The following ZFYVE1 variants were observed in gnomAD, a reference collection of about 807,000 sequenced individuals.
The protein encoded by ZFYVE1 is zinc finger FYVE domain-containing protein 1.
Under a neutral mutation model 74.4 loss-of-function variants are expected in ZFYVE1, and 30 were observed. That is an observed-to-expected ratio of 0.40 (90% CI 0.30 to 0.55). The LOEUF (loss-of-function observed/expected upper bound fraction) is 0.55, where lower values mean the gene tolerates loss of function less well. Among genes scored for constraint, ZFYVE1 ranks in the 20% least tolerant of loss-of-function variants. The pLI, the probability that ZFYVE1 is intolerant of heterozygous loss-of-function variation, is 0.42. For missense variants in ZFYVE1, 703 were observed against 1,011.6 expected, an observed-to-expected ratio of 0.69 and a Z score of 4.14; for synonymous variants, 335 against 385.1, an observed-to-expected ratio of 0.87 and a Z score of 1.52.
At chr14:72,991,706 A>G (rs1307784448) in intron 4 of ZFYVE1, among the ~76,000 whole-genome samples, 1 of 152,204 alleles carries the variant, frequency 6.6e-6, no homozygotes, top group East Asian at 1.9e-4. Context: ...ATTAGCCAAT[A>G]CAACTAAGTG....
Position 72,969,833 on chromosome 14 carries a change from T to C in ZFYVE1, c.*1049A>G. The C allele has an allele frequency of 1.5e-6, 1 of 674,026 alleles. No individual in the cohort carries two copies. The highest frequency in any genetic ancestry group is 1.6e-5 in the South Asian group (1 of 62,024). 41.8% of individuals were successfully genotyped at this position (674,026 alleles called of 1,614,324 possible). Reference sequence around the variant, plus strand: ...GATAAATTTTTTCTTTACGATCTGTTGAAATATTTATATAGACTTTTAAAA... The same window carrying C: ...GATAAATTTTTTCTTTACGATCTGTCGAAATATTTATATAGACTTTTAAAA... On this transcript the variant is annotated 3_prime_UTR_variant, in exon 12 of 12. Transcript: ENST00000556143.
Position 72,978,049 on chromosome 14 carries a change from A to C in ZFYVE1, c.1518-5T>G. The stretch of plus-strand genomic sequence containing the variant: ...TTAGGACATTCGATCACATACCTAC[A>C]AGGAAAGCAAATCAATACTGTTACC... On this transcript the variant is annotated splice_region_variant and splice_polypyrimidine_tract_variant and intron_variant, in intron 7 of 11. Transcript: ENST00000556143. The C allele has an allele frequency of 1.9e-6, 3 of 1,614,180 alleles. No homozygotes were observed. Among genetic ancestry groups the C allele is most frequent in the Non-Finnish European group, 2.5e-6 (3 of 1,180,006 alleles).
At chr14:73,007,016 A>C (rs79084006) in intron 2 of ZFYVE1, among the ~76,000 whole-genome samples, 1 of 151,912 alleles carries the variant, frequency 6.6e-6, no homozygotes, top group Non-Finnish European at 1.5e-5. Context: ...CCCAGCCCCA[A>C]TTTAGAATTC....
At chr14:72,981,953 C>T in intron 4 of ZFYVE1, 58 bp from the exon 5 acceptor site, 2 of 1,483,660 alleles carry the variant, frequency 1.3e-6, no homozygotes, top group South Asian at 1.1e-5. Flanking sequence ...CGCACTTTGG[C>T]CCCCCACTGC....
chr14:73,023,727 T>C (rs868618548), intron 2 of ZFYVE1, among the ~76,000 whole-genome samples: 1 of 152,074 alleles, frequency 6.6e-6, no homozygotes, highest in African/African-American at 2.4e-5. Flanking sequence ...CCGTATACAC[T>C]GACCATTTAT....
At chr14:72,988,329 C>T (rs1364402063) in intron 4 of ZFYVE1, among the ~76,000 whole-genome samples, 1 of 151,760 alleles carries the variant, frequency 6.6e-6, no homozygotes, top group African/African-American at 2.4e-5. Context: ...CACACACCAT[C>T]ACGGCTGGCT....
intron 5 of ZFYVE1, among the ~76,000 whole-genome samples, chr14:72,980,348 T>C (rs1054918003): frequency 2.0e-5 from 3 of 151,958 alleles, no homozygotes; most frequent in Non-Finnish European, 4.4e-5. Flanking sequence ...AATTTGGTAG[T>C]GAAGAGTGGA....
At chr14:73,020,771 T>C (rs1316180582) in intron 2 of ZFYVE1, among the ~76,000 whole-genome samples, 1 of 151,796 alleles carries the variant, frequency 6.6e-6, no homozygotes, top group African/African-American at 2.4e-5. Flanking sequence ...AGGTCAGGAG[T>C]TGGAGATCAT....
At position 73,024,269 on chromosome 14, in the gene ZFYVE1, A is replaced by T; in HGVS notation, c.240T>A (p.His80Gln). The T allele has an allele frequency of 6.2e-7, 1 of 1,614,112 alleles. No individual in the cohort carries two copies. The highest frequency in any genetic ancestry group is 8.5e-7 in the Non-Finnish European group (1 of 1,180,018). Residue 80 changes from histidine (H) to glutamine (Q), a missense_variant, in exon 2 of 12, where the codon CAT (histidine) becomes CAA (glutamine). Physicochemically the swap from His to Gln is conservative, Grantham distance 24 (BLOSUM62 0). This residue lies in a region of ZFYVE1 where 211 missense variants were observed against 221.7 expected (regional missense o/e 0.95). Coordinates refer to ENST00000556143, the MANE Select transcript of ZFYVE1 (RefSeq NM_021260.4). ...YCDLCKGLSG[H>Q]LPGVRQRAIV... is the part of the protein sequence containing the mutation. ...TTGCCCTCTGCCTAACACCTGGTAA[A>T]TGCCCACTGAGACCCTTGCAGAGGT...
chr14:73,024,514 C>A lies in ZFYVE1; in HGVS notation c.-6G>T, dbSNP rs370107575. On this transcript the variant is annotated 5_prime_UTR_variant, in exon 2 of 12. Transcript: ENST00000556143. ...GGGGAAGTCTGGGCACTCATACTCA[C>A]GCTGGTAAGGAAACACACCCACCAT... The A allele has an allele frequency of 7.6e-6, 12 of 1,587,062 alleles. No homozygotes were observed. The highest frequency in any genetic ancestry group is 2.7e-5 in the African/African-American group (2 of 74,192).
At chr14:72,999,316 A>T (rs1183450169) in intron 2 of ZFYVE1, among the ~76,000 whole-genome samples, 4 of 152,064 alleles carry the variant, frequency 2.6e-5, no homozygotes, top group Admixed American at 6.6e-5. Flanking sequence ...AATCCCAGCT[A>T]CTCAGGAGGC....
chr14:72,979,656 A>T (rs1594833421), intron 5 of ZFYVE1, among the ~76,000 whole-genome samples: 1 of 151,914 alleles, frequency 6.6e-6, no homozygotes, highest in East Asian at 1.9e-4. Flanking sequence ...TGTCTTTAAA[A>T]AAAAAAAAAA....
rs1389576586 is a variant in ZFYVE1, at chr14:72,969,505, G to A, written c.*1377C>T. On this transcript the variant is annotated 3_prime_UTR_variant, in exon 12 of 12. Coordinates refer to ENST00000556143, the MANE Select transcript of ZFYVE1 (RefSeq NM_021260.4). ...TGGATGGTACACAGTTCTAGAGTAGGGTCCCAGTCACTGGACCCCAGGAGG... is the reference window on the plus strand; with the variant it reads ...TGGATGGTACACAGTTCTAGAGTAGAGTCCCAGTCACTGGACCCCAGGAGG... 1.7e-6 allele frequency: 1 copy of A among 588,854 alleles called. No homozygotes were observed. Among genetic ancestry groups the A allele is most frequent in the East Asian group, 2.8e-5 (1 of 35,508 alleles). The allele number at this position is 588,854 out of a possible 1,614,324, so 36.5% of individuals were successfully genotyped here.
rs574099375 is a variant in ZFYVE1, at chr14:72,984,868, G to A, written c.1204-2973C>T. Among the ~76,000 whole-genome samples, 10 of 152,330 alleles carry A rather than the reference G, an allele frequency of 6.6e-5. No individual in the cohort carries two copies. In the South Asian group the frequency reaches 2.1e-3, roughly 32 times the overall value. On this transcript the variant is annotated intron_variant, in intron 4 of 11. Coordinates refer to ENST00000556143, the MANE Select transcript of ZFYVE1 (RefSeq NM_021260.4). Reference sequence around the variant, plus strand: ...TCTCCAGGACTAGATCATAAATACTGTGAAAGCAGCTTCCTACCTTTGCAT... The same window carrying A: ...TCTCCAGGACTAGATCATAAATACTATGAAAGCAGCTTCCTACCTTTGCAT...
chr14:73,025,639 T>C (rs1594872821), intron 1 of ZFYVE1, among the ~76,000 whole-genome samples: 1 of 139,080 alleles, frequency 7.2e-6, no homozygotes, highest in Non-Finnish European at 1.5e-5. Flanking sequence ...GAGGTTGCAG[T>C]GAGCCAAGAT....
chr14:73,025,973 A>G (rs748818750), intron 1 of ZFYVE1, among the ~76,000 whole-genome samples: 10 of 152,182 alleles, frequency 6.6e-5, no homozygotes, highest in Non-Finnish European at 1.5e-4. Context: ...CTTTAGATCT[A>G]TCAAATACCT....
At chr14:73,019,828 A>C (rs1206454974) in intron 2 of ZFYVE1, among the ~76,000 whole-genome samples, 1 of 151,982 alleles carries the variant, frequency 6.6e-6, no homozygotes, top group Non-Finnish European at 1.5e-5. Flanking sequence ...GGTGGTGCCT[A>C]CAATCACAGC....
rs150684606 is a variant in ZFYVE1, at chr14:73,013,346, G to A, written c.483+10680C>T. Reference sequence around the variant, plus strand: ...AAATGGGCCAGGTGCAGTGGCTCACGCCTGTAATCCCAGCACTTTGGGAGG... The same window carrying A: ...AAATGGGCCAGGTGCAGTGGCTCACACCTGTAATCCCAGCACTTTGGGAGG... On this transcript the variant is annotated intron_variant, in intron 2 of 11. Coordinates refer to ENST00000556143, the MANE Select transcript of ZFYVE1 (RefSeq NM_021260.4). 4.0e-3 allele frequency among the ~76,000 whole-genome samples: 615 copies of A among 152,234 alleles called. 28 individuals carry two copies. In the East Asian group the frequency reaches 0.11, roughly 27 times the overall value.
chr14:72,973,154 T>C (rs750300378), intron 11 of ZFYVE1, among the ~76,000 whole-genome samples: 10 of 152,036 alleles, frequency 6.6e-5, no homozygotes, highest in Non-Finnish European at 1.3e-4. Context: ...CTCCAGGAGA[T>C]GACAGCAGAA....
Sources: gnomAD v4.1 joint callset for allele counts (sites outside exome capture counted in the v4.1 genomes callset) on GRCh38, gnomAD v4.1.1 for gene constraint, gnomAD v4.1.1 regional missense constraint, MANE v1.5 for transcripts, NCBI Gene and HGNC (gene_info 2026-07-23, HGNC 2026-07-21) for gene names.